Variants in IPCEF1 observed in about 807,000 individuals in gnomAD.
IPCEF1 encodes the protein interaction protein for cytohesin exchange factors 1, also known as interactor protein for cytohesin exchange factors 1.
In IPCEF1, 31 loss-of-function variants were observed where a neutral mutation model predicts 50.9. The ratio of observed to expected loss-of-function variants is 0.61; its 90% CI spans 0.46 to 0.82. The LOEUF is 0.82. IPCEF1 is among the 40% of genes least tolerant of loss of function. The pLI, the probability that IPCEF1 is intolerant of heterozygous loss-of-function variation, is 0.00. For missense variants in IPCEF1, 458 were observed against 514.0 expected (o/e 0.89, Z 1.05); for synonymous variants, 181 against 192.0 (o/e 0.94, Z 0.47).
chr6:154,162,745 C>G (rs1357480453), intron 11 of IPCEF1, among the ~76,000 whole-genome samples: 1 of 152,186 alleles, frequency 6.6e-6, no homozygotes, highest in African/African-American at 2.4e-5. Flanking sequence ...ATCTCTCCCA[C>G]TCTCCTATGT....
intron 3 of IPCEF1, among the ~76,000 whole-genome samples, chr6:154,258,209 T>C (rs1333237926): frequency 6.6e-6 from 1 of 152,220 alleles, no homozygotes; most frequent in Non-Finnish European, 1.5e-5. Flanking sequence ...TGTTATTTAT[T>C]TGTAGCCCCT....
intron 1 of IPCEF1, among the ~76,000 whole-genome samples, chr6:154,307,684 T>C (rs749910505): frequency 2.6e-5 from 4 of 152,346 alleles, no homozygotes; most frequent in Non-Finnish European, 5.9e-5. Flanking sequence ...ACACAAATAC[T>C]AGACAATTTA....
intron 2 of IPCEF1, among the ~76,000 whole-genome samples, chr6:154,268,440 T>C (rs988363816): frequency 6.6e-6 from 1 of 152,176 alleles, no homozygotes; most frequent in Admixed American, 6.5e-5. Flanking sequence ...AATTCCTAAC[T>C]ATCCCTTAAA....
rs143119858 is a variant in IPCEF1 at position 154,254,564 on chromosome 6, A to G, written c.37-7076T>C. 1.9e-3 allele frequency among the ~76,000 whole-genome samples: 295 copies of G among 152,372 alleles called. 1 individual carries two copies. Among genetic ancestry groups the G allele is most frequent in the Admixed American group, 3.4e-3 (52 of 15,308 alleles). On this transcript the variant is annotated intron_variant, in intron 3 of 11. Transcript: ENST00000367220. ...TGCAGAGATTACAATTTGGATTACA[A>G]TTCCAGATGAGGTGGGGACAGAGTC...
At chr6:154,300,119 G>T (rs1000807167) in intron 1 of IPCEF1, among the ~76,000 whole-genome samples, 1 of 141,386 alleles carries the variant, frequency 7.1e-6, no homozygotes, top group Non-Finnish European at 1.6e-5. Context: ...CAAAAGGAAA[G>T]AACAATTACT....
rs2840184 is a variant in IPCEF1, at chr6:154,189,601, T to C, written c.910+10067A>G. Among the ~76,000 whole-genome samples, 1,033 of 152,292 alleles carry C rather than the reference T, an allele frequency of 6.8e-3. 5 individuals carry two copies. Among genetic ancestry groups the C allele is most frequent in the African/African-American group, 0.023 (960 of 41,550 alleles). The stretch of plus-strand genomic sequence containing the variant: ...GTTGTTACCACAAATAAATAATAAA[T>C]GCTTAAAGTGATGGATATGGTATTA... On this transcript the variant is annotated intron_variant, in intron 10 of 11. Transcript: ENST00000367220.
At chr6:154,267,499 C>T (rs997881453) in intron 2 of IPCEF1, among the ~76,000 whole-genome samples, 8 of 152,168 alleles carry the variant, frequency 5.3e-5, no homozygotes, top group African/African-American at 7.2e-5. Flanking sequence ...TTTGGGTTGT[C>T]GCTCTTCTGG....
At chr6:154,247,919 A>G (rs1332331546) in intron 3 of IPCEF1, among the ~76,000 whole-genome samples, 1 of 152,216 alleles carries the variant, frequency 6.6e-6, no homozygotes, top group East Asian at 1.9e-4. Context: ...AATTGTTACA[A>G]TCTCAAAATA....
At chr6:154,271,530 T>G (rs1781902219) in intron 2 of IPCEF1, among the ~76,000 whole-genome samples, 1 of 152,238 alleles carries the variant, frequency 6.6e-6, no homozygotes, top group Non-Finnish European at 1.5e-5. Context: ...AGATTACTTT[T>G]ATACAGAAGT....
At chr6:154,352,836 A>C (rs192542734) in intron 1 of IPCEF1, among the ~76,000 whole-genome samples, 1 of 152,344 alleles carries the variant, frequency 6.6e-6, no homozygotes, top group East Asian at 1.9e-4. Flanking sequence ...ACCTCTCCCT[A>C]TGAGTACCAA....
chr6:154,315,463 A>G (rs1035311771), intron 1 of IPCEF1, among the ~76,000 whole-genome samples: 5 of 152,216 alleles, frequency 3.3e-5, no homozygotes, highest in African/African-American at 1.2e-4. Flanking sequence ...CAAGTAGCCC[A>G]GATCCCCAGT....
intron 1 of IPCEF1, chr6:154,330,037 A>G (rs1403558913): frequency 1.3e-5 from 2 of 152,260 alleles, no homozygotes; most frequent in Non-Finnish European, 2.9e-5. Context: ...CCCAAGGAGC[A>G]CTCTCTCAGT....
chr6:154,161,732 C>T (rs1799036834), intron 11 of IPCEF1, among the ~76,000 whole-genome samples: 1 of 152,144 alleles, frequency 6.6e-6, no homozygotes, highest in Non-Finnish European at 1.5e-5. Context: ...GAAACATTTC[C>T]TTCATCCCTG....
intron 1 of IPCEF1, among the ~76,000 whole-genome samples, chr6:154,324,883 G>GT (rs1783482165): frequency 4.1e-5 from 4 of 97,040 alleles, no homozygotes; most frequent in Non-Finnish European, 1.0e-4. Context: ...TACGTTTGAG[G>GT]GTTTTTTTCC....
intron 2 of IPCEF1, among the ~76,000 whole-genome samples, chr6:154,267,345 T>G (rs777035131): frequency 1.3e-4 from 20 of 151,502 alleles, no homozygotes; most frequent in Non-Finnish European, 2.4e-4. Flanking sequence ...AGTAATAAAA[T>G]AAATGCAAAA....
At chr6:154,326,833 A>G (rs770808351) in intron 1 of IPCEF1, among the ~76,000 whole-genome samples, 21 of 152,250 alleles carry the variant, frequency 1.4e-4, no homozygotes, top group Non-Finnish European at 2.6e-4. Context: ...GGCTACAGTA[A>G]CCAAAATGTC....
At chr6:154,235,798 C>G (rs1319929843) in intron 5 of IPCEF1, among the ~76,000 whole-genome samples, 1 of 152,138 alleles carries the variant, frequency 6.6e-6, no homozygotes, top group East Asian at 1.9e-4. Flanking sequence ...GAAAGTTGCT[C>G]AAGGTCACTA....
chr6:154,192,034 T>C (rs916271314), intron 10 of IPCEF1, among the ~76,000 whole-genome samples: 4 of 152,118 alleles, frequency 2.6e-5, no homozygotes, highest in African/African-American at 4.8e-5. Flanking sequence ...TGGAGTACTA[T>C]AAAACAATGA....
intron 4 of IPCEF1, 82 bp downstream of exon 4, chr6:154,247,366 TG>T: frequency 9.1e-7 from 1 of 1,094,714 alleles, no homozygotes. Flanking sequence ...GACAGAAATC[TG>T]ATCCCAAGGA....
Sources: gnomAD v4.1 joint callset for allele counts (sites outside exome capture counted in the v4.1 genomes callset) on GRCh38, gnomAD v4.1.1 for gene constraint, MANE v1.5 for transcripts, NCBI Gene and HGNC (gene_info 2026-07-23, HGNC 2026-07-21) for gene names.